DYNC1I1: variants seen among roughly 807,000 people sequenced by gnomAD.
The protein encoded by DYNC1I1 is dynein cytoplasmic 1 intermediate chain 1.
In DYNC1I1, 43 loss-of-function variants were observed where a neutral mutation model predicts 86.6. The ratio of observed to expected loss-of-function variants is 0.50; its 90% CI spans 0.39 to 0.64. The LOEUF (loss-of-function observed/expected upper bound fraction) is 0.64, where lower values mean the gene tolerates loss of function less well. Ranked by LOEUF, DYNC1I1 falls within the 30% of genes least tolerant of loss-of-function variation. DYNC1I1 has a pLI of 0.00. For missense variants in DYNC1I1, 604 were observed against 788.8 expected (o/e 0.77, Z 2.81); for synonymous variants, 262 against 283.7 (o/e 0.92, Z 0.77).
Position 95,936,537 on chromosome 7 carries a change from GAAAA to G in DYNC1I1, c.491-40971_491-40968del, listed in dbSNP as rs538911467. On this transcript the variant is annotated intron_variant, in intron 6 of 16. Coordinates refer to ENST00000447467, the MANE Select transcript of DYNC1I1 (RefSeq NM_001135556.2). ...TTAAAAAGCATATACTGGAAAAAGA[GAAAA>G]AAAGAAAAAATCTGTAGAGGAAAAA... is the stretch of plus-strand genomic sequence containing the variant. Among the ~76,000 whole-genome samples, 41 of 151,198 alleles carry G rather than the reference GAAAA, an allele frequency of 2.7e-4. 1 individual carries two copies. In the South Asian group the frequency reaches 7.9e-3, roughly 29 times the overall value.
intron 6 of DYNC1I1, among the ~76,000 whole-genome samples, chr7:95,887,784 T>C (rs1176231894): frequency 6.6e-6 from 1 of 152,190 alleles, no homozygotes; most frequent in Non-Finnish European, 1.5e-5. Context: ...TGAGAATGCT[T>C]ATTTTAGAGC....
intron 6 of DYNC1I1, among the ~76,000 whole-genome samples, chr7:95,948,704 G>T (rs933518805): frequency 2.6e-5 from 4 of 152,130 alleles, no homozygotes; most frequent in African/African-American, 9.7e-5. Flanking sequence ...CACTCACCTA[G>T]TTCCCCCAAC....
intron 1 of DYNC1I1, among the ~76,000 whole-genome samples, chr7:95,784,668 T>C (rs1794082276): frequency 6.6e-6 from 1 of 152,160 alleles, no homozygotes; most frequent in African/African-American, 2.4e-5. Context: ...TTAATATCCA[T>C]GTAATAGAGA....
In DYNC1I1 at chr7:95,865,225, T is replaced by C. The variant is rs554643531; in HGVS notation, c.375-4658T>C. Among the ~76,000 whole-genome samples the C allele has an allele frequency of 3.9e-5, 6 of 152,354 alleles. No homozygotes were observed. The South Asian group carries it at 1.0e-3, about 26-fold the overall frequency. On this transcript the variant is annotated intron_variant, in intron 5 of 16. Coordinates refer to ENST00000447467, the MANE Select transcript of DYNC1I1 (RefSeq NM_001135556.2). ...GCTTTATTGTACTGCATAGGTGATA[T>C]TGAATGTTTGTTTTCCCACGGTTAC...
At chr7:96,024,754 T>C (rs1339332354) in intron 10 of DYNC1I1, among the ~76,000 whole-genome samples, 2 of 152,182 alleles carry the variant, frequency 1.3e-5, no homozygotes, top group African/African-American at 4.8e-5. Context: ...AAACCCCACA[T>C]TTATTAGTAG....
At chr7:95,968,185 C>T (rs1793066156) in intron 6 of DYNC1I1, among the ~76,000 whole-genome samples, 2 of 143,668 alleles carry the variant, frequency 1.4e-5, no homozygotes, top group Admixed American at 6.9e-5. Context: ...GTGGCCTTAA[C>T]CGAAAAAAAA....
chr7:95,802,967 C>T (rs985226077), intron 1 of DYNC1I1, among the ~76,000 whole-genome samples: 1 of 152,112 alleles, frequency 6.6e-6, no homozygotes, highest in East Asian at 1.9e-4. Flanking sequence ...TTACCTATTC[C>T]TCAATGCTTC....
At chr7:96,000,981 T>C (rs974673488) in intron 10 of DYNC1I1, among the ~76,000 whole-genome samples, 9 of 152,204 alleles carry the variant, frequency 5.9e-5, no homozygotes, top group African/African-American at 2.2e-4. Context: ...AATCGTTTTA[T>C]TTGTCTTGCC....
At chr7:95,841,390 A>G (rs976325047) in intron 5 of DYNC1I1, among the ~76,000 whole-genome samples, 13 of 152,012 alleles carry the variant, frequency 8.6e-5, no homozygotes, top group African/African-American at 2.9e-4. Flanking sequence ...TACTAGATGT[A>G]TAGTGTAACC....
chr7:96,074,950 GA>G (rs1408253927), intron 14 of DYNC1I1, among the ~76,000 whole-genome samples: 1 of 152,132 alleles, frequency 6.6e-6, no homozygotes, highest in East Asian at 1.9e-4. Flanking sequence ...AGACATTGGG[GA>G]AAAAAACTCC....
chr7:95,960,406 C>T (rs1452614272), intron 6 of DYNC1I1, among the ~76,000 whole-genome samples: 2 of 152,098 alleles, frequency 1.3e-5, no homozygotes, highest in Admixed American at 1.3e-4. Context: ...CACGCCCGGC[C>T]AAATGCTGGA....
chr7:95,922,737 G>C (rs929042624), intron 6 of DYNC1I1, among the ~76,000 whole-genome samples: 1 of 151,876 alleles, frequency 6.6e-6, no homozygotes, highest in Non-Finnish European at 1.5e-5. Flanking sequence ...AGCAGCCCCC[G>C]GTCAAACCAG....
chr7:95,997,582 CTTGTGTGT>C (rs899471764), intron 10 of DYNC1I1, among the ~76,000 whole-genome samples: 7 of 117,138 alleles, frequency 6.0e-5, no homozygotes, highest in South Asian at 3.0e-4. Flanking sequence ...AAAGGGCATT[CTTGTGTGT>C]GTGTGTGTGT....
At chr7:95,848,157 G>A (rs1789482940) in intron 5 of DYNC1I1, among the ~76,000 whole-genome samples, 7 of 150,100 alleles carry the variant, frequency 4.7e-5, no homozygotes, top group Admixed American at 4.6e-4. Context: ...CCATTTTTCA[G>A]TAACACAATA....
At chr7:95,894,188 C>T (rs1325165229) in intron 6 of DYNC1I1, among the ~76,000 whole-genome samples, 1 of 151,716 alleles carries the variant, frequency 6.6e-6, no homozygotes, top group Non-Finnish European at 1.5e-5. Flanking sequence ...TAATGAGACA[C>T]CATAAACTGG....
At chr7:96,014,950 A>G (rs1416655882) in intron 10 of DYNC1I1, among the ~76,000 whole-genome samples, 1 of 152,146 alleles carries the variant, frequency 6.6e-6, no homozygotes, top group Non-Finnish European at 1.5e-5. Context: ...CTGGTTTCAT[A>G]TTATTCCTGG....
At chr7:95,997,255 C>G (rs550784558) in intron 10 of DYNC1I1, among the ~76,000 whole-genome samples, 4 of 151,704 alleles carry the variant, frequency 2.6e-5, no homozygotes, top group Non-Finnish European at 4.4e-5. Context: ...TTGATATGCT[C>G]CTTCTGTAAA....
At chr7:96,008,711 T>C (rs377176424) in intron 10 of DYNC1I1, among the ~76,000 whole-genome samples, 3 of 152,322 alleles carry the variant, frequency 2.0e-5, no homozygotes, top group Admixed American at 1.3e-4. Context: ...TAATCCCTGA[T>C]TCTGATTTCT....
chr7:95,977,439 A>G (rs1409502017), intron 6 of DYNC1I1, 73 bp from the exon 7 acceptor site: 7 of 1,423,256 alleles, frequency 4.9e-6, no homozygotes, highest in Non-Finnish European at 5.8e-6. Context: ...CTTTACCCCT[A>G]CCTCCCACTA....
Sources: gnomAD v4.1 joint callset for allele counts (sites outside exome capture counted in the v4.1 genomes callset) on GRCh38, gnomAD v4.1.1 for gene constraint, MANE v1.5 for transcripts, NCBI Gene and HGNC (gene_info 2026-07-23, HGNC 2026-07-21) for gene names.